The following ZNF493 variants were observed in gnomAD, a reference collection of about 807,000 sequenced individuals.
The protein encoded by ZNF493 is zinc finger protein 493.
A neutral mutation model predicts 12.2 loss-of-function variants in ZNF493; 11 were observed. The observed-to-expected ratio is 0.90, with a 90% CI of 0.57 to 1.50. The LOEUF (loss-of-function observed/expected upper bound fraction) is 1.50, where lower values mean the gene tolerates loss of function less well. Among genes scored for constraint, ZNF493 ranks in the 40% most tolerant of loss-of-function variants. ZNF493 has a pLI of 0.00. For missense variants in ZNF493, 950 were observed against 906.6 expected (o/e 1.05, Z -0.61); for synonymous variants, 286 against 302.6 (o/e 0.95, Z 0.57).
chr19:21,398,771 T>A (rs770265025), intron 1 of ZNF493: 6 of 193,838 alleles, frequency 3.1e-5, no homozygotes, highest in Non-Finnish European at 5.2e-5. Context: ...GACAAATTGC[T>A]GGTCAGCCAA....
chr19:21,421,471 T>C (rs1335967675), intron 3 of ZNF493, among the ~76,000 whole-genome samples: 1 of 152,150 alleles, frequency 6.6e-6, no homozygotes, highest in Non-Finnish European at 1.5e-5. Context: ...GTTCAAGCAA[T>C]TCTCCTGCCT....
intron 1 of ZNF493, among the ~76,000 whole-genome samples, chr19:21,399,407 G>T (rs557086875): frequency 8.6e-5 from 13 of 151,974 alleles, no homozygotes; most frequent in African/African-American, 2.2e-4. Flanking sequence ...TAATCCATCC[G>T]CCTCGGCCTC....
rs746531697 is a variant in ZNF493 at position 21,423,981 on chromosome 19, C to T, written c.1322C>T (p.Thr441Ile). 1.2e-5 allele frequency: 20 copies of T among 1,613,350 alleles called. No individual in the cohort carries two copies. The highest frequency in any genetic ancestry group is 1.7e-5 in the Non-Finnish European group (20 of 1,179,824). ...KPYKCEECGK[T>I]FSVFSILTKH... Reference sequence around the variant, plus strand: ...TACAAATGTGAAGAATGTGGCAAAACCTTTAGTGTATTCTCAATTCTTACT... The same window carrying T: ...TACAAATGTGAAGAATGTGGCAAAATCTTTAGTGTATTCTCAATTCTTACT... The change falls in exon 4 of 4, where the codon ACC (threonine) becomes ATC (isoleucine). Residue 441 changes from threonine to isoleucine, a missense_variant. Physicochemically the swap from Thr to Ile is moderately conservative, Grantham distance 89 (BLOSUM62 -1). Coordinates refer to ENST00000392288, the MANE Select transcript of ZNF493 (RefSeq NM_001076678.3).
At chr19:21,410,506 T>C (rs963956261) in intron 3 of ZNF493, among the ~76,000 whole-genome samples, 1 of 152,172 alleles carries the variant, frequency 6.6e-6, no homozygotes, top group African/African-American at 2.4e-5. Context: ...GTGTATCTTT[T>C]CTGATGAAAA....
chr19:21,422,779 A>G (rs1347988947), intron 3 of ZNF493, 134 bp from the exon 4 acceptor site: 2 of 736,312 alleles, frequency 2.7e-6, no homozygotes, highest in Admixed American at 3.6e-5. Context: ...CATTACATAT[A>G]AAGAATTAGA....
Position 21,423,022 on chromosome 19 carries a change from GT to G in ZNF493, c.365del (p.Leu122Ter). The G allele has an allele frequency of 6.2e-7, 1 of 1,613,136 alleles. No homozygotes were observed. Among genetic ancestry groups the G allele is most frequent in the Non-Finnish European group, 8.5e-7 (1 of 1,179,660 alleles). Reference sequence around the variant, plus strand: ...TAAAATGTGGACATAAGGATTTACAGTTAAGAAAAGGATGTAAAAGTATGAA... The same window carrying G: ...TAAAATGTGGACATAAGGATTTACAGTAAGAAAAGGATGTAAAAGTATGAA... Reference protein sequence around the residue: ...YVKCGHKDLQLRKGCKSMNEC... With the variant: ...YVKCGHKDLQXRKGCKSMNEC... On this transcript the variant is annotated frameshift_variant, in exon 4 of 4. Transcript: ENST00000392288. LOFTEE classifies it low-confidence loss of function (END_TRUNC).
At chr19:21,401,788 C>A (rs1472860378) in intron 1 of ZNF493, among the ~76,000 whole-genome samples, 1 of 151,722 alleles carries the variant, frequency 6.6e-6, no homozygotes. Context: ...CCACACCCAG[C>A]TAATTTTTGT....
At chr19:21,405,596 C>T in intron 2 of ZNF493, 165 bp from the exon 3 acceptor site, 1 of 1,115,122 alleles carries the variant, frequency 9.0e-7, no homozygotes, top group Non-Finnish European at 1.2e-6. Context: ...TAAGCACCTA[C>T]AAATTTAAAA....
chr19:21,413,312 C>CAAG (rs2145288863), intron 3 of ZNF493: 1 of 387,232 alleles, frequency 2.6e-6, no homozygotes, highest in East Asian at 3.9e-5. Flanking sequence ...TACATCCAGG[C>CAAG]ATTATTACCA....
rs1353276200 is a variant in ZNF493 at position 21,427,535 on chromosome 19, T to TAA, written c.*2553_*2554dup. The TAA allele has an allele frequency of 2.0e-5, 3 of 152,186 alleles. No individual in the cohort carries two copies. Among genetic ancestry groups the TAA allele is most frequent in the African/African-American group, 7.2e-5 (3 of 41,432 alleles). The allele number at this position is 152,186 out of a possible 1,614,324, so 9.4% of individuals were successfully genotyped here. On this transcript the variant is annotated 3_prime_UTR_variant, in exon 4 of 4. Coordinates refer to ENST00000392288, the MANE Select transcript of ZNF493 (RefSeq NM_001076678.3). ...AACTGTTTCAACATTTTTAACATGGTAAATATTATTGTGCATTCAATAAAG... is the reference window on the plus strand; with the variant it reads ...AACTGTTTCAACATTTTTAACATGGTAAAAATATTATTGTGCATTCAATAAAG...
intron 1 of ZNF493, among the ~76,000 whole-genome samples, chr19:21,401,265 G>A (rs1353253221): frequency 6.6e-6 from 1 of 151,764 alleles, no homozygotes; most frequent in African/African-American, 2.4e-5. Flanking sequence ...TTTATTAATT[G>A]CATGTTGAAC....
chr19:21,407,757 C>T, intron 3 of ZNF493: 1 of 984,086 alleles, frequency 1.0e-6, no homozygotes, highest in Non-Finnish European at 1.2e-6. Flanking sequence ...TTATATGTTC[C>T]TCAAACAGCA....
chr19:21,406,154 A>G (rs981344699), intron 3 of ZNF493, among the ~76,000 whole-genome samples: 25 of 152,120 alleles, frequency 1.6e-4, no homozygotes, highest in Non-Finnish European at 5.9e-5. Flanking sequence ...ACCGGGAGGC[A>G]GAGGTTGCAA....
Position 21,405,871 on chromosome 19 carries a change from A to G in ZNF493, c.253+15A>G, listed in dbSNP as rs772888148. 1.6e-6 allele frequency: 2 copies of G among 1,232,880 alleles called. No homozygotes were observed. Among genetic ancestry groups the G allele is most frequent in the Admixed American group, 2.1e-5 (1 of 46,668 alleles). 76.4% of individuals were successfully genotyped at this position (1,232,880 alleles called of 1,614,324 possible). On this transcript the variant is annotated intron_variant, in intron 3 of 3. Coordinates refer to ENST00000392288, the MANE Select transcript of ZNF493 (RefSeq NM_001076678.3). ...CAAACCCCCAGGTAGGTGAGAGTGA[A>G]TGAAACAGTTGACATAGATGAAAGG...
In ZNF493 at chr19:21,425,069, A is replaced by T; in HGVS notation, c.*85A>T. 1 of 1,432,474 alleles carries T rather than the reference A, an allele frequency of 7.0e-7. No homozygotes were observed. Among genetic ancestry groups the T allele is most frequent in the Non-Finnish European group, 9.6e-7 (1 of 1,037,100 alleles). 88.7% of individuals were successfully genotyped at this position (1,432,474 alleles called of 1,614,324 possible). ...TTCACCAGTACTTTACCCTTAATAC[A>T]CATAAGATAATTAATGCTGGAGAGA... is the stretch of plus-strand genomic sequence containing the variant. On this transcript the variant is annotated 3_prime_UTR_variant, in exon 4 of 4. Transcript: ENST00000392288.
At chr19:21,405,579 G>A in intron 2 of ZNF493, 182 bp from the exon 3 acceptor site, 1 of 1,124,340 alleles carries the variant, frequency 8.9e-7, no homozygotes, top group Non-Finnish European at 1.2e-6. Context: ...ATACTGGGTG[G>A]CAAAATTAAG....
intron 3 of ZNF493, among the ~76,000 whole-genome samples, chr19:21,419,953 C>T (rs1287098091): frequency 6.6e-6 from 1 of 152,128 alleles, no homozygotes; most frequent in Admixed American, 6.5e-5. Flanking sequence ...CCACTCTTGA[C>T]CATACCCACT....
chr19:21,426,751 AAAT>A lies in ZNF493; in HGVS notation c.*1768_*1770del, dbSNP rs2030865640. The A allele has an allele frequency of 1.2e-5, 2 of 167,038 alleles. No homozygotes were observed. Among genetic ancestry groups the A allele is most frequent in the Non-Finnish European group, 2.9e-5 (2 of 68,084 alleles). 10.3% of individuals were successfully genotyped at this position (167,038 alleles called of 1,614,324 possible). On this transcript the variant is annotated 3_prime_UTR_variant, in exon 4 of 4. Transcript: ENST00000392288. ...TTCAAAGGTGTAGTAAAAATAAAAA[AAAT>A]TTTAATCCAAATTTGTCTATGTAAA... is the stretch of plus-strand genomic sequence containing the variant.
At chr19:21,413,779 T>G (rs1049117449) in intron 3 of ZNF493, 2 of 261,364 alleles carry the variant, frequency 7.7e-6, no homozygotes, top group Non-Finnish European at 1.4e-5. Flanking sequence ...TCAGTTGTTC[T>G]GCTTCTCTCT....
Sources: allele counts gnomAD v4.1 joint callset (sites outside exome capture counted in the v4.1 genomes callset), GRCh38; gene constraint gnomAD v4.1.1; transcripts MANE v1.5; gene names NCBI Gene and HGNC (gene_info 2026-07-23, HGNC 2026-07-21).